INF2: variants seen among roughly 807,000 people sequenced by gnomAD.
INF2 encodes inverted formin-2.
A neutral mutation model predicts 123.5 loss-of-function variants in INF2; 43 were observed. The ratio of observed to expected loss-of-function variants is 0.35; its 90% CI spans 0.27 to 0.45. INF2 has a LOEUF of 0.45. Among genes scored for constraint, INF2 ranks in the 20% least tolerant of loss-of-function variants. The probability of loss-of-function intolerance (pLI) is 1.00; values close to 1 mark genes in which losing one functional copy is unlikely to be tolerated. For synonymous variants in INF2, 851 were observed against 745.0 expected, an observed-to-expected ratio of 1.14 and a Z score of -2.32; for missense variants, 1,453 against 1,682.7, an observed-to-expected ratio of 0.86 and a Z score of 2.39.
intron 22 of INF2, among the ~76,000 whole-genome samples, 162 bp from the exon 23 acceptor site, chr14:104,718,633 C>T (rs1290664414): frequency 6.6e-6 from 1 of 152,204 alleles, no homozygotes; most frequent in African/African-American, 2.4e-5. Context: ...TTGTGCTGCT[C>T]CAGAGAAAGA....
At chr14:104,715,198 C>T (rs1398946971) in intron 21 of INF2, 86 bp from the exon 22 acceptor site, 2 of 1,328,224 alleles carry the variant, frequency 1.5e-6, no homozygotes, top group Non-Finnish European at 2.2e-6. Flanking sequence ...GCATGGCTGT[C>T]CCGGGCCCCC....
At chr14:104,717,222 C>G (rs938348073) in intron 22 of INF2, among the ~76,000 whole-genome samples, 6 of 151,416 alleles carry the variant, frequency 4.0e-5, no homozygotes, top group African/African-American at 1.5e-4. Flanking sequence ...CTTCCTCAGT[C>G]CCCCCCGGGC....
In INF2 at chr14:104,719,070, C is replaced by A. The variant is rs1890450757; in HGVS notation, c.*277C>A. 1.4e-5 allele frequency: 9 copies of A among 626,494 alleles called. No individual in the cohort carries two copies. The highest frequency in any genetic ancestry group is 2.3e-5 in the Non-Finnish European group (9 of 389,700). 38.8% of individuals were successfully genotyped at this position (626,494 alleles called of 1,614,324 possible). A position where few individuals can be genotyped will look rare whatever the true frequency, so the allele number is the denominator to read the frequency against. ...TCCTAAAGGCAACCCTGGCCCACAC[C>A]CGCATGCGCCCGGTGCAGCCTGCCA... On this transcript the variant is annotated 3_prime_UTR_variant, in exon 23 of 23. Transcript: ENST00000392634.
chr14:104,698,025 G>A (rs996948401), intron 1 of INF2, among the ~76,000 whole-genome samples: 2 of 152,266 alleles, frequency 1.3e-5, no homozygotes, highest in South Asian at 2.1e-4. Flanking sequence ...AGCTGGTGCC[G>A]GCTGTAGAAA....
upstream of INF2, among the ~76,000 whole-genome samples, chr14:104,687,939 G>A (rs1032926619): frequency 6.6e-6 from 1 of 152,224 alleles, no homozygotes; most frequent in Non-Finnish European, 1.5e-5. This position sits in a 1 kb window ranked among gnomAD's most constrained non-coding sequence, Gnocchi z 5.6. Flanking sequence ...AGCTCCCAAC[G>A]CAGATGAGTC....
chr14:104,697,283 C>T (rs1162389521), intron 1 of INF2, among the ~76,000 whole-genome samples: 3 of 152,222 alleles, frequency 2.0e-5, no homozygotes, highest in African/African-American at 4.8e-5. Flanking sequence ...GTGAGGGAGC[C>T]GAGGCCTGGG....
chr14:104,722,362 C>T lies in INF2; in HGVS notation c.*3569C>T, dbSNP rs1443807275. On this transcript the variant is annotated 3_prime_UTR_variant, in exon 23 of 23. Transcript: ENST00000392634. ...CTAGCATGTCCCCCAGTCCCCCAAG[C>T]CTCTATCTGACATCTGCTAGCCCAG... 6.6e-6 allele frequency: 1 copy of T among 152,334 alleles called. No individual in the cohort carries two copies. The highest frequency in any genetic ancestry group is 1.5e-5 in the Non-Finnish European group (1 of 68,138). The allele number at this position is 152,334 out of a possible 1,614,324, so 9.4% of individuals were successfully genotyped here. A position where few individuals can be genotyped will look rare whatever the true frequency, so the allele number is the denominator to read the frequency against.
At chr14:104,700,636 C>T (rs1287861288) in intron 1 of INF2, among the ~76,000 whole-genome samples, 1 of 152,140 alleles carries the variant, frequency 6.6e-6, no homozygotes, top group Non-Finnish European at 1.5e-5. Flanking sequence ...CGTGTTGGGG[C>T]TCTTCTGGGC....
rs1890548441 is a variant in INF2 at position 104,721,277 on chromosome 14, A to G, written c.*2484A>G. On this transcript the variant is annotated 3_prime_UTR_variant, in exon 23 of 23. Coordinates refer to ENST00000392634, the MANE Select transcript of INF2 (RefSeq NM_022489.4). ...TGGACGTCTGCGTAGTCTCGTGTGG[A>G]TGCTGCTGTGGACGTCTGCGTAGTC... The G allele has an allele frequency of 7.4e-6, 1 of 135,630 alleles. No homozygotes were observed. The highest frequency in any genetic ancestry group is 1.6e-5 in the Non-Finnish European group (1 of 63,740). The allele number at this position is 135,630 out of a possible 1,614,324, so 8.4% of individuals were successfully genotyped here. A position where few individuals can be genotyped will look rare whatever the true frequency, so the allele number is the denominator to read the frequency against.
intron 22 of INF2, chr14:104,715,820 G>A: frequency 2.2e-6 from 1 of 462,286 alleles, no homozygotes; most frequent in Non-Finnish European, 4.3e-6. Flanking sequence ...GGCCTTCTGG[G>A]GCATGTCCCC....
intron 20 of INF2, 45 bp from the exon 21 acceptor site, chr14:104,714,158 C>T (rs747095790): frequency 9.0e-6 from 13 of 1,444,436 alleles, no homozygotes; most frequent in South Asian, 1.4e-5. Context: ...TGGGCTGGCT[C>T]GGGGGCAGGG....
intron 13 of INF2, chr14:104,710,660 T>C: frequency 1.8e-6 from 1 of 552,318 alleles, no homozygotes; most frequent in Non-Finnish European, 3.2e-6. Flanking sequence ...GAAAGGGGAA[T>C]CCATGGGGAC....
In INF2 at chr14:104,709,290, G is replaced by T. The variant is rs1047172155; in HGVS notation, c.1959G>T (p.Glu653Asp). Residue 653 changes from glutamate to aspartate, a missense_variant, in exon 11 of 23, where the codon GAG (glutamate) becomes GAT (aspartate). By Grantham distance (45) the Glu-to-Asp change is conservative (BLOSUM62 2). Coordinates refer to ENST00000392634, the MANE Select transcript of INF2 (RefSeq NM_022489.4). ...IFLKQFKCSN[E>D]EVAAMIRAGD... is the part of the protein sequence containing the mutation. Reference sequence around the variant, plus strand: ...CCTCTCCCTGCTCCAGCTCCAACGAGGAGGTCGCTGCTATGATCCGGGCTG... The same window carrying T: ...CCTCTCCCTGCTCCAGCTCCAACGATGAGGTCGCTGCTATGATCCGGGCTG... 1 of 1,612,708 alleles carries T rather than the reference G, an allele frequency of 6.2e-7. No homozygotes were observed. Among genetic ancestry groups the T allele is most frequent in the Non-Finnish European group, 8.5e-7 (1 of 1,179,684 alleles).
At chr14:104,715,729 G>A (rs577667332) in intron 22 of INF2, 2 of 520,112 alleles carry the variant, frequency 3.8e-6, no homozygotes, top group East Asian at 4.9e-5. Context: ...GGCGCTAACT[G>A]CAGTTCCAGT....
exon 1 of INF2, chr14:104,681,529 AC>A: frequency 4.7e-6 from 6 of 1,287,294 alleles, no homozygotes; most frequent in Non-Finnish European, 6.1e-6. Context: ...AGCAAACTCC[AC>A]GTCTTATGAA....
At chr14:104,682,158 A>G (rs1030388117) in intron 1 of INF2, among the ~76,000 whole-genome samples, 3 of 152,162 alleles carry the variant, frequency 2.0e-5, no homozygotes, top group African/African-American at 7.2e-5. Flanking sequence ...TTTAACCCGT[A>G]AGTCTCCCTG....
upstream of INF2, chr14:104,689,550 C>T (rs1888831028): frequency 2.2e-6 from 2 of 912,370 alleles, no homozygotes; most frequent in African/African-American, 1.8e-5. Context: ...CGCTCGCTCC[C>T]CACGTGGCCG....
chr14:104,708,907 A>C (rs1595173007), intron 10 of INF2, among the ~76,000 whole-genome samples, 175 bp downstream of exon 10: 1 of 151,696 alleles, frequency 6.6e-6, no homozygotes, highest in Admixed American at 6.6e-5. Flanking sequence ...GGGGCTGTCC[A>C]GGCTCCCAGG....
intron 5 of INF2, among the ~76,000 whole-genome samples, chr14:104,705,661 C>G (rs550009920): frequency 1.3e-5 from 2 of 152,320 alleles, no homozygotes; most frequent in East Asian, 3.9e-4. Context: ...ACTGTAGTCA[C>G]GCAGCGCCCA....
Sources: gnomAD v4.1 joint callset for allele counts (sites outside exome capture counted in the v4.1 genomes callset) on GRCh38, gnomAD v4.1.1 for gene constraint, Gnocchi (gnomAD v3.1) non-coding constraint, MANE v1.5 for transcripts, NCBI Gene and HGNC (gene_info 2026-07-23, HGNC 2026-07-21) for gene names.